Variants in ADGRB3 observed in about 807,000 individuals in gnomAD.
ADGRB3 encodes adhesion G protein-coupled receptor B3.
Under a neutral mutation model 193.4 loss-of-function variants are expected in ADGRB3, and 37 were observed. The ratio of observed to expected loss-of-function variants is 0.19; its 90% CI spans 0.15 to 0.25. The LOEUF is 0.25. Among genes scored for constraint, ADGRB3 ranks in the 10% least tolerant of loss-of-function variants. The pLI, the probability that ADGRB3 is intolerant of heterozygous loss-of-function variation, is 1.00. For missense variants in ADGRB3, 1,637 were observed against 1,852.9 expected (o/e 0.88, Z 2.14); for synonymous variants, 690 against 644.2 (o/e 1.07, Z -1.08).
intron 3 of ADGRB3, among the ~76,000 whole-genome samples, chr6:68,724,157 A>G (rs1234573783): frequency 6.6e-6 from 1 of 151,550 alleles, no homozygotes; most frequent in Non-Finnish European, 1.5e-5. Flanking sequence ...TTTAAATTTT[A>G]TATGGTGCTT....
At chr6:68,839,693 C>G (rs1768114063) in intron 3 of ADGRB3, among the ~76,000 whole-genome samples, 1 of 152,114 alleles carries the variant, frequency 6.6e-6, no homozygotes, top group Admixed American at 6.6e-5. Flanking sequence ...GCAGAACCAC[C>G]AAATGTAACA....
intron 11 of ADGRB3, among the ~76,000 whole-genome samples, chr6:69,002,092 C>T (rs1331638729): frequency 6.6e-6 from 1 of 152,126 alleles, no homozygotes; most frequent in Non-Finnish European, 1.5e-5. Flanking sequence ...AAATAGGAAG[C>T]TCTAACCTTA....
Position 68,846,679 on chromosome 6 carries a change from G to A in ADGRB3, c.758-83880G>A, listed in dbSNP as rs9351741. 6.6e-5 allele frequency among the ~76,000 whole-genome samples: 10 copies of A among 152,232 alleles called. No individual in the cohort carries two copies. In the East Asian group the frequency reaches 9.7e-4, roughly 15 times the overall value. ...GAAGTCAAGAATTGAGGTTTGGGAA[G>A]CTCCACCTAGATTTCAGAAGATGTT... On this transcript the variant is annotated intron_variant, in intron 3 of 31. Transcript: ENST00000370598.
intron 11 of ADGRB3, among the ~76,000 whole-genome samples, chr6:69,010,866 A>G (rs1407710412): frequency 3.3e-5 from 5 of 152,032 alleles, no homozygotes; most frequent in African/African-American, 1.2e-4. Flanking sequence ...TTAGGGATTG[A>G]CATAAGTGAC....
At chr6:69,208,167 CA>C (rs1396834756) in intron 17 of ADGRB3, among the ~76,000 whole-genome samples, 3 of 152,180 alleles carry the variant, frequency 2.0e-5, no homozygotes, top group Non-Finnish European at 4.4e-5. Flanking sequence ...GCCCATTGGG[CA>C]ATAACAGGGG....
chr6:68,852,972 G>A (rs1056384531), intron 3 of ADGRB3, among the ~76,000 whole-genome samples: 5 of 152,010 alleles, frequency 3.3e-5, no homozygotes, highest in Admixed American at 6.6e-5. Context: ...AATACTAAAT[G>A]ATGAGCCATA....
chr6:69,187,617 G>A lies in ADGRB3; in HGVS notation c.2481-45673G>A, dbSNP rs531553568. ...CCCCTTTGAAGTTGTTACGCAGTAG[G>A]TTTTGTTTCTTGGAGTTTAGGCAGC... On this transcript the variant is annotated intron_variant, in intron 17 of 31. Transcript: ENST00000370598. Among the ~76,000 whole-genome samples the A allele has an allele frequency of 4.3e-4, 65 of 152,318 alleles. No homozygotes were observed. The South Asian group carries it at 0.012, about 29-fold the overall frequency.
chr6:69,210,426 C>T lies in ADGRB3; in HGVS notation c.2481-22864C>T, dbSNP rs148141256. Among the ~76,000 whole-genome samples, 8 of 152,064 alleles carry T rather than the reference C, an allele frequency of 5.3e-5. No homozygotes were observed. In the East Asian group the frequency reaches 9.7e-4, roughly 18 times the overall value. On this transcript the variant is annotated intron_variant, in intron 17 of 31. Coordinates refer to ENST00000370598, the MANE Select transcript of ADGRB3 (RefSeq NM_001704.3). ...ATTAGACTGTGCCTATCCAGATTAA[C>T]GGTGGGTCTGTCTTTCCCCGCCTAC...
At chr6:68,744,787 G>A (rs548245951) in intron 3 of ADGRB3, among the ~76,000 whole-genome samples, 11 of 152,196 alleles carry the variant, frequency 7.2e-5, no homozygotes, top group African/African-American at 2.6e-4. Context: ...GCCTAATGTA[G>A]GTTGTGGGTT....
chr6:69,116,603 C>A (rs1247014861), intron 17 of ADGRB3, among the ~76,000 whole-genome samples: 1 of 152,072 alleles, frequency 6.6e-6, no homozygotes, highest in Non-Finnish European at 1.5e-5. Context: ...TCACTGATTG[C>A]AGTAAAAACT....
intron 3 of ADGRB3, among the ~76,000 whole-genome samples, chr6:68,790,360 G>A (rs1026033166): frequency 6.6e-6 from 1 of 152,164 alleles, no homozygotes; most frequent in African/African-American, 2.4e-5. Flanking sequence ...CACCTCTGGG[G>A]GCAGTTCACA....
chr6:68,772,881 A>G (rs1178136511), intron 3 of ADGRB3, among the ~76,000 whole-genome samples: 15 of 49,220 alleles, frequency 3.0e-4, no homozygotes, highest in African/African-American at 1.2e-3. Flanking sequence ...AAACAAACAA[A>G]CAAAAAAAAA....
chr6:69,043,096 T>G (rs1771118206), intron 13 of ADGRB3, among the ~76,000 whole-genome samples: 1 of 152,120 alleles, frequency 6.6e-6, no homozygotes, highest in Non-Finnish European at 1.5e-5. Flanking sequence ...TTTGACATTC[T>G]TGATGCAGTG....
intron 6 of ADGRB3, among the ~76,000 whole-genome samples, chr6:68,948,741 T>C (rs960555883): frequency 1.3e-5 from 2 of 152,048 alleles, no homozygotes; most frequent in African/African-American, 4.8e-5. Context: ...GTATAAATAA[T>C]ATAGGGGACA....
chr6:69,224,610 A>T (rs1356314100), intron 17 of ADGRB3, among the ~76,000 whole-genome samples: 1 of 152,194 alleles, frequency 6.6e-6, no homozygotes, highest in Non-Finnish European at 1.5e-5. Flanking sequence ...ACAACCTTGG[A>T]AATCTTTTTT....
chr6:69,311,717 AG>A (rs1768198072), intron 20 of ADGRB3, among the ~76,000 whole-genome samples: 1 of 151,696 alleles, frequency 6.6e-6, no homozygotes, highest in South Asian at 2.1e-4. Context: ...TCAAATCAAG[AG>A]GGGACCCTTC....
At chr6:69,330,869 T>C (rs947950210) in intron 23 of ADGRB3, among the ~76,000 whole-genome samples, 1 of 152,220 alleles carries the variant, frequency 6.6e-6, no homozygotes, top group African/African-American at 2.4e-5. Flanking sequence ...ATGTATAGAA[T>C]CTCATCATTT....
At chr6:68,691,700 AGGTCACTGATTAAT>A (rs1383245198) in intron 3 of ADGRB3, among the ~76,000 whole-genome samples, 1 of 151,910 alleles carries the variant, frequency 6.6e-6, no homozygotes, top group Non-Finnish European at 1.5e-5. Context: ...TATGAGCATC[AGGTCACTGATTAAT>A]TCAGTACCTA....
chr6:68,671,473 G>A (rs369294452), intron 3 of ADGRB3, among the ~76,000 whole-genome samples: 15 of 152,024 alleles, frequency 9.9e-5, no homozygotes, highest in East Asian at 9.7e-4. Context: ...AAGGGATTTC[G>A]AACTTTATCA....
Sources: allele counts gnomAD v4.1 joint callset (sites outside exome capture counted in the v4.1 genomes callset), GRCh38; gene constraint gnomAD v4.1.1; transcripts MANE v1.5; gene names NCBI Gene and HGNC (gene_info 2026-07-23, HGNC 2026-07-21).